TTLL4: variants seen among roughly 807,000 people sequenced by gnomAD.
The protein encoded by TTLL4 is tubulin monoglutamylase TTLL4.
TTLL4 carries 85 observed loss-of-function variants against 122.7 expected under a neutral mutation model. The observed-to-expected ratio is 0.69, with a 90% CI of 0.58 to 0.83. The LOEUF is 0.83. Among genes scored for constraint, TTLL4 ranks in the 40% least tolerant of loss-of-function variants. The pLI, the probability that TTLL4 is intolerant of heterozygous loss-of-function variation, is 0.00. For missense variants in TTLL4, 1,363 were observed against 1,488.6 expected (o/e 0.92, Z 1.39); for synonymous variants, 553 against 563.0 (o/e 0.98, Z 0.25).
intron 5 of TTLL4, among the ~76,000 whole-genome samples, chr2:218,743,554 G>A (rs994767842): frequency 1.3e-5 from 2 of 152,140 alleles, no homozygotes; most frequent in African/African-American, 2.4e-5. Flanking sequence ...ATCTCTCTGG[G>A]ATAAATGCCC....
Position 218,751,593 on chromosome 2 carries a change from T to C in TTLL4, c.2874-111T>C. On this transcript the variant is annotated intron_variant, in intron 15 of 19. Transcript: ENST00000392102. ...TACTCAAGTAACCTCTGTTCATACA[T>C]CTTTGTCTTCTCTCAAGAAGGGTGT... 7.1e-6 allele frequency: 10 copies of C among 1,418,138 alleles called. No homozygotes were observed. In the South Asian group the frequency reaches 1.4e-4, roughly 20 times the overall value. 87.8% of individuals were successfully genotyped at this position (1,418,138 alleles called of 1,614,324 possible). A position where few individuals can be genotyped will look rare whatever the true frequency, so the allele number is the denominator to read the frequency against.
rs1351449606 is a variant in TTLL4 at position 218,751,714 on chromosome 2, T to G, written c.2884T>G (p.Ser962Ala). 1 of 1,612,402 alleles carries G rather than the reference T, an allele frequency of 6.2e-7. No homozygotes were observed. The highest frequency in any genetic ancestry group is 8.5e-7 in the Non-Finnish European group (1 of 1,179,018). Residue 962 changes from serine to alanine, a missense_variant, in exon 16 of 20, where the codon TCC becomes GCC. Physicochemically the swap from Ser to Ala is moderately conservative, Grantham distance 99. Coordinates refer to ENST00000392102, the MANE Select transcript of TTLL4 (RefSeq NM_014640.5). Reference protein sequence around the residue: ...CSSSTTSLPTSPGDKCRMAPE... With the variant: ...CSSSTTSLPTAPGDKCRMAPE... ...TGGCCTCTGCCGTAGCCTGCCCACC[T>G]CCCCTGGGGACAAATGTCGAATGGC...
At chr2:218,715,215 G>C (rs1941823137) in intron 1 of TTLL4, among the ~76,000 whole-genome samples, 1 of 152,194 alleles carries the variant, frequency 6.6e-6, no homozygotes, top group African/African-American at 2.4e-5. Context: ...TGTGATAGTT[G>C]TTTTGATTGA....
chr2:218,748,828 C>T lies in TTLL4; in HGVS notation c.2502-8C>T, dbSNP rs373960421. On this transcript the variant is annotated splice_region_variant and splice_polypyrimidine_tract_variant and intron_variant, in intron 12 of 19. Transcript: ENST00000392102. ...TAATTCCTAATACTTCCTCTTCCTC[C>T]TCTGCAGGGCACTGAAGGCTTTGTG... 2.5e-5 allele frequency: 40 copies of T among 1,613,050 alleles called. No homozygotes were observed. The highest frequency in any genetic ancestry group is 3.2e-5 in the Non-Finnish European group (38 of 1,179,236).
At position 218,747,977 on chromosome 2, in the gene TTLL4, G is replaced by C; in HGVS notation, c.2379-128G>C. On this transcript the variant is annotated intron_variant, in intron 11 of 19. Transcript: ENST00000392102. The surrounding 1 kb of genome is among the most constrained non-coding windows in gnomAD (Gnocchi z 4.7). ...ACTTTGCCAGTAGACACACTTCTCA[G>C]GCTCTTGTGGCTATGAAAAGATCTG... The C allele has an allele frequency of 7.5e-7, 1 of 1,334,766 alleles. No homozygotes were observed. Among genetic ancestry groups the C allele is most frequent in the South Asian group, 1.3e-5 (1 of 74,866 alleles). The allele number at this position is 1,334,766 out of a possible 1,614,324, so 82.7% of individuals were successfully genotyped here.
chr2:218,740,191 C>G, intron 4 of TTLL4, 24 bp downstream of exon 4: 1 of 1,610,324 alleles, frequency 6.2e-7, no homozygotes, highest in East Asian at 2.2e-5. Flanking sequence ...CCTTTCACTT[C>G]CAACTAGGAG....
At chr2:218,715,506 G>C (rs1941830846) in intron 1 of TTLL4, among the ~76,000 whole-genome samples, 2 of 152,094 alleles carry the variant, frequency 1.3e-5, no homozygotes, top group Admixed American at 6.5e-5. Flanking sequence ...ATTGCTCCTA[G>C]GCTGCAAACC....
intron 1 of TTLL4, among the ~76,000 whole-genome samples, chr2:218,719,909 C>T (rs1941983174): frequency 6.6e-6 from 1 of 152,112 alleles, no homozygotes; most frequent in Non-Finnish European, 1.5e-5. Context: ...AGTGCTGTTG[C>T]AGTAAGTCCA....
intron 1 of TTLL4, among the ~76,000 whole-genome samples, chr2:218,717,419 G>T (rs547221330): frequency 2.6e-5 from 4 of 152,106 alleles, no homozygotes; most frequent in Admixed American, 6.6e-5. Flanking sequence ...CTGATAAAGG[G>T]CAAGGCTTCA....
chr2:218,756,574 A>G (rs1370251191), downstream of TTLL4, among the ~76,000 whole-genome samples: 1 of 152,212 alleles, frequency 6.6e-6, no homozygotes, highest in East Asian at 1.9e-4. Flanking sequence ...ATTAAATCTT[A>G]TCAAGCATTT....
chr2:218,751,198 A>C, intron 15 of TTLL4, among the ~76,000 whole-genome samples: 1 of 152,208 alleles, frequency 6.6e-6, no homozygotes, highest in African/African-American at 2.4e-5. Flanking sequence ...GACATATCCC[A>C]CAAGCTCCTT....
Position 218,747,933 on chromosome 2 carries a change from T to G in TTLL4, c.2379-172T>G. 1.8e-6 allele frequency: 2 copies of G among 1,137,076 alleles called. No individual in the cohort carries two copies. The highest frequency in any genetic ancestry group is 2.5e-6 in the Non-Finnish European group (2 of 801,678). 70.4% of individuals were successfully genotyped at this position (1,137,076 alleles called of 1,614,324 possible). On this transcript the variant is annotated intron_variant, in intron 11 of 19. Coordinates refer to ENST00000392102, the MANE Select transcript of TTLL4 (RefSeq NM_014640.5). The surrounding 1 kb of genome is among the most constrained non-coding windows in gnomAD (Gnocchi z 4.7). ...CTGAGGTGGGATAAAGGAGATGAGT[T>G]TAGCTGTGGTTTTTCAGAACTTTGC...
In TTLL4 at chr2:218,739,085, C is replaced by T. The variant is rs1942627097; in HGVS notation, c.1409C>T (p.Ser470Phe). Reference sequence around the variant, plus strand: ...ATAGCCAACGTGGCCACCCGCCTCTCTTCCATCCAGCTGGGCCAGTCTGAG... The same window carrying T: ...ATAGCCAACGTGGCCACCCGCCTCTTTTCCATCCAGCTGGGCCAGTCTGAG... The part of the protein sequence containing the change: ...LGIANVATRL[S>F]SIQLGQSEKE... The change falls in exon 3 of 20, where the codon TCT becomes TTT. Residue 470 changes from serine to phenylalanine, a missense_variant. By Grantham distance (155) the Ser-to-Phe change is radical (BLOSUM62 -2). Transcript: ENST00000392102. 1 of 1,614,178 alleles carries T rather than the reference C, an allele frequency of 6.2e-7. No homozygotes were observed. The highest frequency in any genetic ancestry group is 8.5e-7 in the Non-Finnish European group (1 of 1,180,040).
intron 15 of TTLL4, 84 bp downstream of exon 15, chr2:218,750,230 T>A: frequency 6.5e-7 from 1 of 1,532,094 alleles, no homozygotes; most frequent in South Asian, 1.3e-5. Context: ...TTCTGGGTGC[T>A]CCCTTCTGCC....
chr2:218,739,215 T>C, intron 3 of TTLL4, 52 bp downstream of exon 3: 1 of 1,539,316 alleles, frequency 6.5e-7, no homozygotes, highest in Non-Finnish European at 8.7e-7. Flanking sequence ...GTATATACCA[T>C]AATTTGGGGT....
intron 2 of TTLL4, among the ~76,000 whole-genome samples, chr2:218,734,063 C>A (rs1360355876): frequency 6.6e-6 from 1 of 152,094 alleles, no homozygotes; most frequent in Non-Finnish European, 1.5e-5. Context: ...GGGATGGAGT[C>A]TAAATATGTG....
chr2:218,749,142 T>G (rs1197439944), intron 13 of TTLL4, 111 bp from the exon 14 acceptor site: 9 of 1,493,062 alleles, frequency 6.0e-6, no homozygotes, highest in African/African-American at 1.4e-5. Flanking sequence ...GAGCTACCTT[T>G]CCTGGGTTGC....
chr2:218,714,248 CAG>C (rs1381865805), intron 1 of TTLL4, among the ~76,000 whole-genome samples: 1 of 152,126 alleles, frequency 6.6e-6, no homozygotes, highest in African/African-American at 2.4e-5. Context: ...AAGAAGGGGA[CAG>C]AGAGAATACA....
chr2:218,721,409 G>A (rs1245939262), intron 1 of TTLL4, among the ~76,000 whole-genome samples: 3 of 152,326 alleles, frequency 2.0e-5, no homozygotes, highest in Middle Eastern at 6.8e-3. Flanking sequence ...AGAAGCACAG[G>A]TCACAACCTG....
Sources: allele counts gnomAD v4.1 joint callset (sites outside exome capture counted in the v4.1 genomes callset), GRCh38; gene constraint gnomAD v4.1.1; non-coding constraint Gnocchi (gnomAD v3.1); transcripts MANE v1.5; gene names NCBI Gene and HGNC (gene_info 2026-07-23, HGNC 2026-07-21).